Variants in RIMKLB observed in about 807,000 individuals in gnomAD.
The protein encoded by RIMKLB is beta-citrylglutamate synthase B.
RIMKLB carries 7 observed loss-of-function variants against 32.0 expected under a neutral mutation model. The ratio of observed to expected loss-of-function variants is 0.22; its 90% CI spans 0.12 to 0.41. The LOEUF is 0.41. RIMKLB is among the 10% of genes least tolerant of loss of function. RIMKLB has a pLI of 1.00. For missense variants in RIMKLB, 289 were observed against 498.7 expected, an observed-to-expected ratio of 0.58 and a Z score of 4.00; for synonymous variants, 172 against 185.1, an observed-to-expected ratio of 0.93 and a Z score of 0.57.
intron 2 of RIMKLB, among the ~76,000 whole-genome samples, chr12:8,726,690 G>A (rs900577258): frequency 6.7e-6 from 1 of 149,502 alleles, no homozygotes; most frequent in South Asian, 2.1e-4. Flanking sequence ...CTGTTAAAAT[G>A]TATGTTTGTC....
chr12:8,743,624 A>G (rs1182784786), intron 2 of RIMKLB, among the ~76,000 whole-genome samples: 2 of 151,806 alleles, frequency 1.3e-5, no homozygotes, highest in Non-Finnish European at 2.9e-5. Context: ...CCACTTAATT[A>G]TGGGGAGGGA....
At chr12:8,742,623 CTGT>C in intron 2 of RIMKLB, 1 of 271,348 alleles carries the variant, frequency 3.7e-6, no homozygotes, top group South Asian at 4.3e-5. Flanking sequence ...GCAGCTCCTT[CTGT>C]TGTTGCCATT....
chr12:8,767,186 AC>A (rs1258408934), intron 5 of RIMKLB, among the ~76,000 whole-genome samples: 1 of 152,238 alleles, frequency 6.6e-6, no homozygotes, highest in Non-Finnish European at 1.5e-5. Flanking sequence ...GGAATAGGGC[AC>A]ACTGTTTTTC....
At chr12:8,717,505 A>G (rs1457959511) in intron 2 of RIMKLB, among the ~76,000 whole-genome samples, 1 of 152,060 alleles carries the variant, frequency 6.6e-6, no homozygotes, top group African/African-American at 2.4e-5. Flanking sequence ...TTCTCTTACA[A>G]ATCTGTTCTA....
the RIMKLB span, among the ~76,000 whole-genome samples, chr12:8,676,382 CTTTTTTTTTTTTTTTTT>C: frequency 2.1e-4 from 8 of 37,310 alleles, no homozygotes; most frequent in South Asian, 1.3e-3. Flanking sequence ...CCCCCAACAG[CTTTTTTTTTTTTTTTTT>C]TTTTTTTTTT....
intron 2 of RIMKLB, among the ~76,000 whole-genome samples, chr12:8,740,385 G>C (rs1406941442): frequency 6.6e-6 from 1 of 152,188 alleles, no homozygotes; most frequent in Non-Finnish European, 1.5e-5. Context: ...AACAGGTGGT[G>C]TTTGGTTACA....
At chr12:8,712,227 C>T (rs1944435521) in intron 1 of RIMKLB, among the ~76,000 whole-genome samples, 2 of 151,976 alleles carry the variant, frequency 1.3e-5, no homozygotes, top group African/African-American at 4.8e-5. Context: ...GGCTGGAGTG[C>T]AATAGCGTGA....
upstream of RIMKLB, among the ~76,000 whole-genome samples, chr12:8,695,411 T>A (rs1220129276): frequency 6.6e-6 from 1 of 152,210 alleles, no homozygotes; most frequent in African/African-American, 2.4e-5. Context: ...ACAGCCTTTC[T>A]GAACCTTGGG....
At chr12:8,710,987 AAATT>A (rs1384968823) in intron 1 of RIMKLB, among the ~76,000 whole-genome samples, 33 of 151,616 alleles carry the variant, frequency 2.2e-4, no homozygotes, top group African/African-American at 7.5e-4. Flanking sequence ...AAAAAAAAAA[AAATT>A]AGAGACCGGG....
chr12:8,758,008 C>T (rs529463446), intron 5 of RIMKLB, among the ~76,000 whole-genome samples: 2 of 151,132 alleles, frequency 1.3e-5, no homozygotes, highest in African/African-American at 2.4e-5. Flanking sequence ...ATTGCCCAGG[C>T]AGGTCTCGAA....
At chr12:8,706,518 TTGGTTCAC>T in intron 1 of RIMKLB, among the ~76,000 whole-genome samples, 1 of 151,170 alleles carries the variant, frequency 6.6e-6, no homozygotes, top group Non-Finnish European at 1.5e-5. Flanking sequence ...TGGCACAATC[TTGGTTCAC>T]TGCAACCTCT....
chr12:8,692,158 G>T (rs961755385), intron 1 of RIMKLB, among the ~76,000 whole-genome samples: 6 of 152,104 alleles, frequency 3.9e-5, no homozygotes, highest in African/African-American at 1.2e-4. Context: ...GGGAAATCAG[G>T]ACTAGGAAAT....
At chr12:8,729,334 G>C (rs1300916677) in intron 2 of RIMKLB, among the ~76,000 whole-genome samples, 1 of 138,940 alleles carries the variant, frequency 7.2e-6, no homozygotes, top group Non-Finnish European at 1.6e-5. Context: ...GTGGGAAGCG[G>C]AGCTGAAAAG....
At chr12:8,750,765 A>G (rs1948556731) in intron 3 of RIMKLB, among the ~76,000 whole-genome samples, 1 of 152,200 alleles carries the variant, frequency 6.6e-6, no homozygotes, top group Non-Finnish European at 1.5e-5. Context: ...AACAGTAGTG[A>G]ACAAGTCCTA....
chr12:8,676,385 T>C, the RIMKLB span, among the ~76,000 whole-genome samples: 3 of 68,624 alleles, frequency 4.4e-5, no homozygotes, highest in Non-Finnish European at 9.1e-5. Context: ...CCAACAGCTT[T>C]TTTTTTTTTT....
chr12:8,732,568 G>C (rs925926449), intron 2 of RIMKLB, among the ~76,000 whole-genome samples: 1 of 152,126 alleles, frequency 6.6e-6, no homozygotes, highest in African/African-American at 2.4e-5. Context: ...AAATGGTTCA[G>C]AATCTTAGCA....
chr12:8,707,985 G>GAATA (rs1223843347), intron 1 of RIMKLB, among the ~76,000 whole-genome samples: 1 of 152,018 alleles, frequency 6.6e-6, no homozygotes, highest in Non-Finnish European at 1.5e-5. Flanking sequence ...CTGACAAATG[G>GAATA]AATAAATGCT....
intron 2 of RIMKLB, among the ~76,000 whole-genome samples, chr12:8,725,519 C>G (rs916342510): frequency 6.6e-6 from 1 of 152,206 alleles, no homozygotes; most frequent in African/African-American, 2.4e-5. Context: ...GGATGCTCTA[C>G]TTTCAAGTCA....
intron 2 of RIMKLB, among the ~76,000 whole-genome samples, chr12:8,715,539 A>T (rs1481079885): frequency 6.6e-6 from 1 of 152,058 alleles, no homozygotes; most frequent in Non-Finnish European, 1.5e-5. Context: ...TGTTCTCTTG[A>T]ATGTAGTTAC....
Sources: allele counts gnomAD v4.1 joint callset (sites outside exome capture counted in the v4.1 genomes callset), GRCh38; gene constraint gnomAD v4.1.1; transcripts MANE v1.5; gene names NCBI Gene and HGNC (gene_info 2026-07-23, HGNC 2026-07-21).